Variants in CLXN observed in about 807,000 individuals in gnomAD.
The protein encoded by CLXN is EF-hand calcium binding domain 1.
chr8:48,729,956 A>G, the CLXN span: 2 of 1,326,992 alleles, frequency 1.5e-6, no homozygotes, highest in African/African-American at 1.5e-5. Context: ...GCCAAGTTCT[A>G]TCTTGATGCT....
the CLXN span, among the ~76,000 whole-genome samples, chr8:48,732,515 T>C: frequency 1.3e-5 from 2 of 152,108 alleles, no homozygotes; most frequent in Non-Finnish European, 2.9e-5. Flanking sequence ...TAGGAAACAA[T>C]ATAATGGTTA....
At chr8:48,722,156 C>A in the CLXN span, among the ~76,000 whole-genome samples, 1 of 152,136 alleles carries the variant, frequency 6.6e-6, no homozygotes, top group Non-Finnish European at 1.5e-5. Flanking sequence ...CCTGACTACG[C>A]ATTTTTCAAA....
chr8:48,718,990 T>G, the CLXN span, among the ~76,000 whole-genome samples: 1 of 150,370 alleles, frequency 6.7e-6, no homozygotes, highest in Admixed American at 6.6e-5. Flanking sequence ...AGAAAAGAAT[T>G]AACAAAACTA....
the CLXN span, chr8:48,735,251 G>A: frequency 5.2e-6 from 7 of 1,353,482 alleles, no homozygotes; most frequent in African/African-American, 5.8e-5. Context: ...GGGTCAACGC[G>A]GTGAGGTCTC....
the CLXN span, chr8:48,734,976 AG>A: frequency 8.7e-7 from 1 of 1,149,790 alleles, no homozygotes; most frequent in Non-Finnish European, 1.3e-6. Context: ...GAGGGGCGGT[AG>A]GTAGCCCACA....
the CLXN span, chr8:48,729,711 C>T: frequency 6.3e-7 from 1 of 1,592,226 alleles, no homozygotes; most frequent in Non-Finnish European, 8.6e-7. Flanking sequence ...TGACATTACC[C>T]ATATTTACCA....
chr8:48,725,176 G>C, the CLXN span, among the ~76,000 whole-genome samples: 4 of 152,292 alleles, frequency 2.6e-5, no homozygotes, highest in South Asian at 2.1e-4. Context: ...TTGGGAACGA[G>C]GCACTCTCTG....
chr8:48,714,108 CA>C, the CLXN span: 3 of 152,232 alleles, frequency 2.0e-5, no homozygotes, highest in Admixed American at 1.3e-4. Flanking sequence ...AGGCAAAGAC[CA>C]AGGTCAGTCA....
the CLXN span, among the ~76,000 whole-genome samples, chr8:48,725,968 C>A: frequency 2.6e-5 from 4 of 151,752 alleles, no homozygotes; most frequent in Admixed American, 6.6e-5. Flanking sequence ...CCATCAGGCA[C>A]TTCTGAGACC....
chr8:48,711,699 C>T, the CLXN span: 1 of 152,262 alleles, frequency 6.6e-6, no homozygotes, highest in Non-Finnish European at 1.5e-5. Flanking sequence ...GAGACACTCA[C>T]TCACTCCACA....
chr8:48,714,198 G>A, the CLXN span, among the ~76,000 whole-genome samples: 1,964 of 152,288 alleles, frequency 0.013, 40 homozygotes, highest in African/African-American at 0.045. Context: ...GGGCAAGAGG[G>A]GAGAGACAGC....
At chr8:48,729,615 T>C in the CLXN span, 6 of 1,103,848 alleles carry the variant, frequency 5.4e-6, no homozygotes, top group Admixed American at 1.6e-4. Flanking sequence ...ATGTGTTTTA[T>C]TTAAGCAAGC....
the CLXN span, among the ~76,000 whole-genome samples, chr8:48,720,972 G>A: frequency 6.6e-6 from 1 of 152,128 alleles, no homozygotes; most frequent in Admixed American, 6.5e-5. Context: ...CCCCAATAAA[G>A]CATCCAAGTT....
the CLXN span, chr8:48,731,472 C>T: frequency 6.2e-7 from 1 of 1,611,542 alleles, no homozygotes; most frequent in Non-Finnish European, 8.5e-7. Context: ...CATAAAAAAG[C>T]TTTATAAGAC....
the CLXN span, among the ~76,000 whole-genome samples, chr8:48,731,680 A>G: frequency 6.9e-6 from 1 of 144,426 alleles, no homozygotes; most frequent in Non-Finnish European, 1.5e-5. Flanking sequence ...TAAAAAAAGC[A>G]GCATACCCTC....
the CLXN span, among the ~76,000 whole-genome samples, chr8:48,733,913 G>T: frequency 6.6e-6 from 1 of 152,138 alleles, no homozygotes; most frequent in African/African-American, 2.4e-5. Context: ...TTTACTAGAT[G>T]TTTACTAGAA....
chr8:48,715,209 A>G, the CLXN span: 1 of 152,238 alleles, frequency 6.6e-6, no homozygotes, highest in Non-Finnish European at 1.5e-5. Context: ...AATATTCTTC[A>G]GAGAACCTCA....
At chr8:48,713,455 G>A in the CLXN span, among the ~76,000 whole-genome samples, 4 of 152,212 alleles carry the variant, frequency 2.6e-5, no homozygotes, top group East Asian at 1.9e-4. Flanking sequence ...GGAAAAGCAC[G>A]GGAGCTACAG....
chr8:48,713,310 G>T, the CLXN span, among the ~76,000 whole-genome samples: 343 of 152,110 alleles, frequency 2.3e-3, 5 homozygotes, highest in East Asian at 7.7e-4. Flanking sequence ...TTTTGTAGTC[G>T]CTCTATGTCT....
Sources: gnomAD v4.1 joint callset for allele counts (sites outside exome capture counted in the v4.1 genomes callset) on GRCh38, gnomAD v4.1.1 for gene constraint, MANE v1.5 for transcripts, NCBI Gene and HGNC (gene_info 2026-07-23, HGNC 2026-07-21) for gene names.